The following TRPM3 variants were observed in gnomAD, a reference collection of about 807,000 sequenced individuals.
TRPM3 encodes the protein transient receptor potential cation channel subfamily M member 3.
A neutral mutation model predicts 181.2 loss-of-function variants in TRPM3; 77 were observed. The observed-to-expected ratio is 0.42, with a 90% CI of 0.35 to 0.51. The LOEUF is 0.51. TRPM3 is among the 20% of genes least tolerant of loss of function. The probability of loss-of-function intolerance (pLI) is 0.01; values close to 1 mark genes in which losing one functional copy is unlikely to be tolerated. For missense variants in TRPM3, 1,759 were observed against 2,196.7 expected (o/e 0.80, Z 3.98); for synonymous variants, 745 against 796.4 (o/e 0.94, Z 1.09).
chr9:71,352,138 G>A (rs1275342271), intron 1 of TRPM3, among the ~76,000 whole-genome samples: 2 of 152,160 alleles, frequency 1.3e-5, no homozygotes, highest in Non-Finnish European at 2.9e-5. Flanking sequence ...GCCTCCCAAA[G>A]TGGTGGGATT....
At chr9:70,989,198 T>C (rs912811199) in intron 1 of TRPM3, among the ~76,000 whole-genome samples, 2 of 152,128 alleles carry the variant, frequency 1.3e-5, no homozygotes, top group African/African-American at 4.8e-5. Flanking sequence ...TGATATTCTT[T>C]GAAAAAAAAT....
At chr9:71,250,701 T>G (rs929157173) in intron 1 of TRPM3, among the ~76,000 whole-genome samples, 4 of 151,716 alleles carry the variant, frequency 2.6e-5, no homozygotes, top group African/African-American at 9.7e-5. Flanking sequence ...ATGTGAAACA[T>G]GAGAAAGAGC....
intron 8 of TRPM3, among the ~76,000 whole-genome samples, chr9:70,750,535 T>C (rs1163168756): frequency 6.6e-6 from 1 of 152,052 alleles, no homozygotes; most frequent in Non-Finnish European, 1.5e-5. Flanking sequence ...TGGGACTAGG[T>C]AGGAACACAG....
At chr9:70,864,543 A>AAAG in intron 1 of TRPM3, 32 bp from the exon 2 acceptor site, 1 of 1,361,446 alleles carries the variant, frequency 7.3e-7, no homozygotes. Flanking sequence ...AAAAAAAAAG[A>AAAG]AAAAAGAAAG....
Position 70,606,194 on chromosome 9 carries a change from A to ATATC in TRPM3, c.2668-2728_2668-2725dup, listed in dbSNP as rs144507575. ...GCCTTTATAATGACTGGGGATCTAT[A>ATATC]TATCTATCTATCTGTCTGTCTGTAT... On this transcript the variant is annotated intron_variant, in intron 19 of 25. Coordinates refer to ENST00000677713, the MANE Select transcript of TRPM3 (RefSeq NM_001366145.2). 3.7e-3 allele frequency among the ~76,000 whole-genome samples: 561 copies of ATATC among 152,244 alleles called. 2 individuals are homozygous for ATATC. Among genetic ancestry groups the ATATC allele is most frequent in the South Asian group, 8.9e-3 (43 of 4,824 alleles).
intron 9 of TRPM3, among the ~76,000 whole-genome samples, chr9:70,644,948 C>T (rs879211307): frequency 6.6e-6 from 1 of 152,276 alleles, no homozygotes; most frequent in African/African-American, 2.4e-5. Flanking sequence ...TGAGTGAACT[C>T]CCATTCACAA....
At chr9:71,011,741 TA>T (rs1319424581) in intron 1 of TRPM3, among the ~76,000 whole-genome samples, 1 of 151,116 alleles carries the variant, frequency 6.6e-6, no homozygotes, top group Non-Finnish European at 1.5e-5. Flanking sequence ...GCTTTACCCA[TA>T]TAGGGGTCAT....
At chr9:70,905,836 T>C (rs2096457101) in intron 1 of TRPM3, among the ~76,000 whole-genome samples, 1 of 150,794 alleles carries the variant, frequency 6.6e-6, no homozygotes, top group Non-Finnish European at 1.5e-5. Flanking sequence ...CTCAACAACC[T>C]GGGCTCGAGT....
chr9:71,168,780 T>C (rs537847129), intron 1 of TRPM3, among the ~76,000 whole-genome samples: 46 of 151,750 alleles, frequency 3.0e-4, no homozygotes, highest in African/African-American at 9.7e-4. Context: ...TAAATATAAA[T>C]GCCTACCAAA....
chr9:71,363,906 A>G (rs1480768932), intron 1 of TRPM3, among the ~76,000 whole-genome samples: 1 of 152,202 alleles, frequency 6.6e-6, no homozygotes, highest in Non-Finnish European at 1.5e-5. Context: ...TAAATGCACA[A>G]AAATAGTTAT....
At chr9:70,853,187 AT>A (rs1255135588) in intron 3 of TRPM3, among the ~76,000 whole-genome samples, 1 of 152,200 alleles carries the variant, frequency 6.6e-6, no homozygotes, top group African/African-American at 2.4e-5. Flanking sequence ...TGCTTTTCAA[AT>A]GAGGATACAG....
chr9:71,359,600 C>T (rs2092057630), intron 1 of TRPM3, among the ~76,000 whole-genome samples: 2 of 152,166 alleles, frequency 1.3e-5, no homozygotes, highest in East Asian at 3.9e-4. Flanking sequence ...GGTGCCTCTC[C>T]TAATTCTTAT....
chr9:70,964,863 A>G (rs1408931689), intron 1 of TRPM3, among the ~76,000 whole-genome samples: 1 of 152,124 alleles, frequency 6.6e-6, no homozygotes, highest in East Asian at 1.9e-4. Flanking sequence ...ATGGGACAAT[A>G]AAAGTTGAGA....
At chr9:70,908,219 C>T (rs1479096276) in intron 1 of TRPM3, among the ~76,000 whole-genome samples, 1 of 152,060 alleles carries the variant, frequency 6.6e-6, no homozygotes, top group Non-Finnish European at 1.5e-5. Context: ...TGTGTATTTC[C>T]CTTAGGAGCA....
intron 1 of TRPM3, among the ~76,000 whole-genome samples, chr9:71,106,606 T>C (rs1205485866): frequency 6.6e-6 from 1 of 152,130 alleles, no homozygotes; most frequent in Non-Finnish European, 1.5e-5. Flanking sequence ...CTTCTCTTCA[T>C]AAATTACCCA....
At position 70,673,525 on chromosome 9, in the gene TRPM3, C is replaced by T. The variant is rs114254229; in HGVS notation, c.1345+7981G>A. Among the ~76,000 whole-genome samples, 377 of 152,316 alleles carry T rather than the reference C, an allele frequency of 2.5e-3. 2 individuals are homozygous for T. The highest frequency in any genetic ancestry group is 8.4e-3 in the African/African-American group (351 of 41,576). On this transcript the variant is annotated intron_variant, in intron 9 of 25. Coordinates refer to ENST00000677713, the MANE Select transcript of TRPM3 (RefSeq NM_001366145.2). ...TCCACCTACAGTTTACCAACCCACA[C>T]AGTAATGTCCTAGGCACTTTTATGT...
chr9:71,221,715 G>A (rs963264840), intron 1 of TRPM3, among the ~76,000 whole-genome samples: 2 of 152,152 alleles, frequency 1.3e-5, no homozygotes, highest in Non-Finnish European at 2.9e-5. Flanking sequence ...TCTTGGCCAG[G>A]TCACGGGACT....
intron 1 of TRPM3, among the ~76,000 whole-genome samples, chr9:70,888,290 T>G (rs1035903979): frequency 6.6e-6 from 1 of 152,036 alleles, no homozygotes; most frequent in Non-Finnish European, 1.5e-5. Context: ...TTTATGGCAA[T>G]ATAGTCACAT....
chr9:70,693,330 T>C (rs565883214), intron 8 of TRPM3, among the ~76,000 whole-genome samples: 3 of 152,288 alleles, frequency 2.0e-5, no homozygotes, highest in East Asian at 3.9e-4. Flanking sequence ...ATTCAGAATA[T>C]TTGTTACCTT....
Sources: gnomAD v4.1 joint callset for allele counts (sites outside exome capture counted in the v4.1 genomes callset) on GRCh38, gnomAD v4.1.1 for gene constraint, MANE v1.5 for transcripts, NCBI Gene and HGNC (gene_info 2026-07-23, HGNC 2026-07-21) for gene names.